Variants in DAP observed in about 807,000 individuals in gnomAD.
DAP encodes the protein death associated protein.
In DAP, 8 loss-of-function variants were observed where a neutral mutation model predicts 13.8. That is an observed-to-expected ratio of 0.58 (90% CI 0.34 to 1.05). The LOEUF (loss-of-function observed/expected upper bound fraction) is 1.05, where lower values mean the gene tolerates loss of function less well. Among genes scored for constraint, DAP ranks in the 50% least tolerant of loss-of-function variants. The probability of loss-of-function intolerance (pLI) is 0.03; values close to 1 mark genes in which losing one functional copy is unlikely to be tolerated. For synonymous variants in DAP, 47 were observed against 47.5 expected (o/e 0.99, Z 0.04); for missense variants, 106 against 133.2 (o/e 0.80, Z 1.01).
At chr5:10,683,050 G>A in intron 3 of DAP, 1 of 211,248 alleles carries the variant, frequency 4.7e-6, no homozygotes, top group South Asian at 6.7e-5. Flanking sequence ...AACTGTGGGT[G>A]TGGCCAGGGT....
At chr5:10,731,101 G>T (rs1490661402) in intron 2 of DAP, among the ~76,000 whole-genome samples, 1 of 64,594 alleles carries the variant, frequency 1.5e-5, no homozygotes, top group Middle Eastern at 0.01. Flanking sequence ...GAGCCCTGGT[G>T]GGGGGAATCT....
intron 2 of DAP, among the ~76,000 whole-genome samples, chr5:10,739,784 AACTC>A (rs903765159): frequency 1.3e-3 from 101 of 76,172 alleles, no homozygotes; most frequent in South Asian, 2.0e-3. Context: ...ATACTAAATT[AACTC>A]ACACACACAC....
intron 2 of DAP, among the ~76,000 whole-genome samples, chr5:10,708,072 A>C (rs922822495): frequency 6.6e-6 from 1 of 152,230 alleles, no homozygotes; most frequent in Non-Finnish European, 1.5e-5. Context: ...ACCAACAGGC[A>C]GATTATAAAG....
chr5:10,714,388 C>A (rs1170699814), intron 2 of DAP, among the ~76,000 whole-genome samples: 2 of 152,068 alleles, frequency 1.3e-5, no homozygotes, highest in Non-Finnish European at 2.9e-5. Context: ...CTAGAATTAC[C>A]GTTGACATTC....
rs550898628 is a variant in DAP, at chr5:10,702,589, A to G, written c.153-19018T>C. Among the ~76,000 whole-genome samples the G allele has an allele frequency of 3.3e-5, 5 of 152,272 alleles. No homozygotes were observed. The East Asian group carries it at 9.7e-4, about 29-fold the overall frequency. On this transcript the variant is annotated intron_variant, in intron 2 of 3. Coordinates refer to ENST00000230895, the MANE Select transcript of DAP (RefSeq NM_004394.3). ...ACTTCTTCAGATCTTTTCAAGGCAA[A>G]CTTGAGAATGGTGATAGAGCCATGA...
In DAP at chr5:10,680,902, A is replaced by T. The variant is rs1473031319; in HGVS notation, c.*154T>A. ...TTGGGCTGGAGCTGTTTCTAGTTTT[A>T]AATATGGAAATGTAAGGCAAAGGAC... On this transcript the variant is annotated 3_prime_UTR_variant, in exon 4 of 4. Transcript: ENST00000230895. 6.5e-7 allele frequency: 1 copy of T among 1,537,418 alleles called. No individual in the cohort carries two copies. The highest frequency in any genetic ancestry group is 1.4e-5 in the African/African-American group (1 of 73,176).
chr5:10,688,112 T>A (rs1220884786), intron 2 of DAP, among the ~76,000 whole-genome samples: 2 of 152,058 alleles, frequency 1.3e-5, no homozygotes, highest in African/African-American at 4.8e-5. Context: ...GACAGGGTTT[T>A]GTCACGTTTG....
chr5:10,703,511 T>C (rs1413440068), intron 2 of DAP, among the ~76,000 whole-genome samples: 2 of 152,218 alleles, frequency 1.3e-5, no homozygotes, highest in Non-Finnish European at 2.9e-5. Flanking sequence ...TCTGGAAGCA[T>C]CATTGAGGAA....
chr5:10,723,865 A>G (rs547160180), intron 2 of DAP, among the ~76,000 whole-genome samples: 16 of 152,340 alleles, frequency 1.1e-4, no homozygotes, highest in African/African-American at 3.4e-4. Context: ...AAGGATACAG[A>G]AGGAGAGTCG....
intron 2 of DAP, among the ~76,000 whole-genome samples, chr5:10,706,796 C>A (rs895931337): frequency 6.6e-6 from 1 of 152,180 alleles, no homozygotes; most frequent in Non-Finnish European, 1.5e-5. Context: ...GATGTGTGCA[C>A]CTGATCCTAT....
chr5:10,688,616 A>C (rs1007362955), intron 2 of DAP, among the ~76,000 whole-genome samples: 4 of 152,228 alleles, frequency 2.6e-5, no homozygotes, highest in African/African-American at 7.2e-5. Flanking sequence ...ACAAGTTAAA[A>C]TCACTTGTAC....
At position 10,756,397 on chromosome 5, in the gene DAP, T is replaced by G. The variant is rs1167704900; in HGVS notation, c.55+4617A>C. On this transcript the variant is annotated intron_variant, in intron 1 of 3. Coordinates refer to ENST00000230895, the MANE Select transcript of DAP (RefSeq NM_004394.3). ...TTTCTAGCAATGGATAATCTGAAAG[T>G]CTTTCTGCAGGGAGATAATTCAGGG... Among the ~76,000 whole-genome samples the G allele has an allele frequency of 3.3e-5, 3 of 91,380 alleles. 1 individual carries two copies. Among genetic ancestry groups the G allele is most frequent in the Non-Finnish European group, 6.9e-5 (3 of 43,580 alleles). 59.9% of individuals were successfully genotyped at this position (91,380 alleles called of 152,430 possible).
chr5:10,696,450 T>C (rs1017725659), intron 2 of DAP, among the ~76,000 whole-genome samples: 12 of 152,210 alleles, frequency 7.9e-5, no homozygotes, highest in Non-Finnish European at 1.8e-4. Flanking sequence ...ATGGCACGTT[T>C]GAGGGCTTGG....
rs10596228 is a variant in DAP, at chr5:10,693,124, GCACACACA to G, written c.153-9561_153-9554del. On this transcript the variant is annotated intron_variant, in intron 2 of 3. Transcript: ENST00000230895. ...CTGGGATGGGGAGAAACATGCACACGCACACACACACACACACACACACACACACGTGC... is the reference window on the plus strand; with the variant it reads ...CTGGGATGGGGAGAAACATGCACACGCACACACACACACACACACACGTGC... Among the ~76,000 whole-genome samples the G allele has an allele frequency of 7.8e-3, 1,164 of 148,914 alleles. 8 individuals carry two copies. Among genetic ancestry groups the G allele is most frequent in the East Asian group, 0.028 (143 of 5,076 alleles).
intron 1 of DAP, among the ~76,000 whole-genome samples, chr5:10,749,617 G>C (rs1739996329): frequency 6.6e-6 from 1 of 152,094 alleles, no homozygotes; most frequent in African/African-American, 2.4e-5. Flanking sequence ...GAAATGCCAG[G>C]TTGAACAAAA....
At chr5:10,750,813 G>A (rs1247542474) in intron 1 of DAP, among the ~76,000 whole-genome samples, 1 of 152,160 alleles carries the variant, frequency 6.6e-6, no homozygotes, top group African/African-American at 2.4e-5. Flanking sequence ...TGTCTTCACT[G>A]GGCTTTACCA....
intron 2 of DAP, among the ~76,000 whole-genome samples, chr5:10,745,395 AC>A (rs1318372886): frequency 2.6e-5 from 4 of 152,228 alleles, no homozygotes; most frequent in African/African-American, 9.6e-5. Context: ...GCAGGGAACA[AC>A]AACAACAAAA....
In DAP at chr5:10,748,240, T is replaced by C; in HGVS notation, c.87A>G (p.Lys29=). 6.2e-7 allele frequency: 1 copy of C among 1,614,122 alleles called. No individual in the cohort carries two copies. The highest frequency in any genetic ancestry group is 8.5e-7 in the Non-Finnish European group (1 of 1,179,964). The change falls in exon 2 of 4, where the codon AAA becomes AAG. Residue 29 remains lysine (K), a synonymous_variant. Coordinates refer to ENST00000230895, the MANE Select transcript of DAP (RefSeq NM_004394.3). ...CTTTGGTGTCTCCTGTATGTGGGTG[T>C]TTCTGCACAATTCGCATTCCACCAG... ...VKAGGMRIVQ[K]HPHTGDTKEE...
intron 2 of DAP, among the ~76,000 whole-genome samples, chr5:10,702,037 T>A (rs1289963044): frequency 6.6e-6 from 1 of 152,220 alleles, no homozygotes; most frequent in Non-Finnish European, 1.5e-5. Flanking sequence ...GCAGGACTTA[T>A]ACTTTCCCAG....
Sources: gnomAD v4.1 joint callset for allele counts (sites outside exome capture counted in the v4.1 genomes callset) on GRCh38, gnomAD v4.1.1 for gene constraint, MANE v1.5 for transcripts, NCBI Gene and HGNC (gene_info 2026-07-23, HGNC 2026-07-21) for gene names.